PTGFRN: variants seen among roughly 807,000 people sequenced by gnomAD.
PTGFRN encodes prostaglandin F2 receptor negative regulator.
A neutral mutation model predicts 83.2 loss-of-function variants in PTGFRN; 35 were observed. The ratio of observed to expected loss-of-function variants is 0.42; its 90% CI spans 0.32 to 0.56. The LOEUF is 0.56. PTGFRN is among the 20% of genes least tolerant of loss of function. The pLI is 0.11. For missense variants in PTGFRN, 1,051 were observed against 1,179.5 expected (o/e 0.89, Z 1.60); for synonymous variants, 519 against 498.6 (o/e 1.04, Z -0.55).
In PTGFRN at chr1:116,967,045, C is replaced by T; in HGVS notation, c.1774C>T (p.Pro592Ser). 6.2e-7 allele frequency: 1 copy of T among 1,614,180 alleles called. No homozygotes were observed. The highest frequency in any genetic ancestry group is 8.5e-7 in the Non-Finnish European group (1 of 1,180,036). ...CTCTGTTCTCATCATGGCTGAGAAG[C>T]CTGTCGGCGACCTCTCCAGTCCCAA... The part of the protein sequence containing the change: ...RYSVLIMAEK[P>S]VGDLSSPNET... The change falls in exon 6 of 9, where the codon CCT becomes TCT. Residue 592 changes from proline to serine, a missense_variant. Transcript: ENST00000393203.
chr1:116,965,283 A>T (rs1015660501), intron 5 of PTGFRN, among the ~76,000 whole-genome samples: 2 of 151,718 alleles, frequency 1.3e-5, no homozygotes, highest in African/African-American at 2.4e-5. Context: ...TTTATTTTTA[A>T]TTTTAATTTT....
chr1:116,963,774 A>ATT (rs35747028), intron 5 of PTGFRN, among the ~76,000 whole-genome samples: 2,777 of 142,604 alleles, frequency 0.019, 90 homozygotes, highest in African/African-American at 0.068. Context: ...CATTCAGCTA[A>ATT]TTTTTTTTTT....
Position 116,984,700 on chromosome 1 carries a change from T to A in PTGFRN, c.2188T>A (p.Ser730Thr). 6.2e-7 allele frequency: 1 copy of A among 1,614,150 alleles called. No homozygotes were observed. ...LDPDDMAFDV[S>T]WFAVHSFGLD... ...CGTAGATGACATGGCCTTTGATGTG[T>A]CCTGGTTTGCGGTGCACTCTTTTGG... is the stretch of plus-strand genomic sequence containing the variant. The change falls in exon 8 of 9, where the codon TCC becomes ACC. Residue 730 changes from serine (S) to threonine (T), a missense_variant. Ser to Thr is a moderately conservative substitution (Grantham distance 58). Coordinates refer to ENST00000393203, the MANE Select transcript of PTGFRN (RefSeq NM_020440.4).
chr1:116,916,202 C>T (rs1364851692), intron 1 of PTGFRN, among the ~76,000 whole-genome samples: 1 of 152,172 alleles, frequency 6.6e-6, no homozygotes, highest in Non-Finnish European at 1.5e-5. Context: ...CTGTTTCACA[C>T]CTTTACAAGC....
intron 7 of PTGFRN, among the ~76,000 whole-genome samples, chr1:116,980,431 A>C (rs528944932): frequency 2.0e-5 from 3 of 152,246 alleles, no homozygotes. Context: ...AGCACTATTC[A>C]CAATAGCAGA....
intron 1 of PTGFRN, among the ~76,000 whole-genome samples, chr1:116,912,568 C>T (rs767022645): frequency 3.9e-5 from 6 of 152,214 alleles, no homozygotes; most frequent in African/African-American, 7.2e-5. Flanking sequence ...CCTGTTTCTA[C>T]GGCTACTGTC....
Position 116,984,666 on chromosome 1 carries a change from T to C in PTGFRN, c.2168-14T>C. 6.2e-7 allele frequency: 1 copy of C among 1,610,104 alleles called. No individual in the cohort carries two copies. Reference sequence around the variant, plus strand: ...ATTGCACTGACCCCAGGGTTTTGGCTTGGTAATCCGTAGATGACATGGCCT... The same window carrying C: ...ATTGCACTGACCCCAGGGTTTTGGCCTGGTAATCCGTAGATGACATGGCCT... On this transcript the variant is annotated splice_polypyrimidine_tract_variant and intron_variant, in intron 7 of 8. Transcript: ENST00000393203.
chr1:116,982,508 C>T (rs954683829), intron 7 of PTGFRN, among the ~76,000 whole-genome samples: 2 of 152,044 alleles, frequency 1.3e-5, no homozygotes, highest in Non-Finnish European at 2.9e-5. Context: ...GGGGTGGGGA[C>T]AGCAGACTTT....
rs1444970078 is a variant in PTGFRN, at chr1:116,977,054, A to G, written c.2167+2731A>G. 3.3e-5 allele frequency among the ~76,000 whole-genome samples: 5 copies of G among 152,210 alleles called. No homozygotes were observed. In the East Asian group the frequency reaches 9.6e-4, roughly 29 times the overall value. On this transcript the variant is annotated intron_variant, in intron 7 of 8. Coordinates refer to ENST00000393203, the MANE Select transcript of PTGFRN (RefSeq NM_020440.4). ...TTCTACCAAGCAAATGGAAACAAAA[A>G]AAGGCAGGGGTTGCAATCCTAGTCT...
At chr1:116,929,589 TG>T (rs1649742360) in intron 1 of PTGFRN, among the ~76,000 whole-genome samples, 1 of 152,228 alleles carries the variant, frequency 6.6e-6, no homozygotes, top group African/African-American at 2.4e-5. Context: ...GGAGCAGTTT[TG>T]CCCCAGAGCT....
intron 1 of PTGFRN, among the ~76,000 whole-genome samples, chr1:116,913,205 G>A (rs944475762): frequency 6.6e-6 from 1 of 152,176 alleles, no homozygotes; most frequent in African/African-American, 2.4e-5. Context: ...ACAAGGAAGG[G>A]GATGATTAAT....
chr1:116,947,284 A>G (rs1650225188), intron 3 of PTGFRN, among the ~76,000 whole-genome samples: 1 of 152,230 alleles, frequency 6.6e-6, no homozygotes. Flanking sequence ...CCTCCCTGTC[A>G]TGGGAGTGGT....
At chr1:116,986,692 C>T in intron 8 of PTGFRN, 109 bp from the exon 9 acceptor site, 1 of 1,082,774 alleles carries the variant, frequency 9.2e-7, no homozygotes, top group Non-Finnish European at 1.4e-6. Flanking sequence ...AGGAATGAGA[C>T]CTTATCTCTC....
At chr1:116,945,406 C>T (rs904592384) in intron 3 of PTGFRN, among the ~76,000 whole-genome samples, 10 of 152,160 alleles carry the variant, frequency 6.6e-5, no homozygotes, top group Non-Finnish European at 1.5e-4. Flanking sequence ...TGCTGTGGTC[C>T]CTCAGCCAGA....
chr1:116,961,139 T>G lies in PTGFRN; in HGVS notation c.1214-104T>G. 8.2e-7 allele frequency: 1 copy of G among 1,213,738 alleles called. No individual in the cohort carries two copies. The highest frequency in any genetic ancestry group is 1.1e-6 in the Non-Finnish European group (1 of 902,944). The allele number at this position is 1,213,738 out of a possible 1,614,324, so 75.2% of individuals were successfully genotyped here. On this transcript the variant is annotated intron_variant, in intron 4 of 8. Transcript: ENST00000393203. This position sits in a 1 kb window ranked among gnomAD's most constrained non-coding sequence, Gnocchi z 5.4. ...TCTCTCTAGTCCGGCAGGAGAAGCATTTAATTGTTAAAACAAGAGCAGTCC... is the reference window on the plus strand; with the variant it reads ...TCTCTCTAGTCCGGCAGGAGAAGCAGTTAATTGTTAAAACAAGAGCAGTCC...
Position 116,984,805 on chromosome 1 carries a change from G to A in PTGFRN, c.2293G>A (p.Asp765Asn), listed in dbSNP as rs368223162. ...CACCTCCCGGAGGGACTGGAAGAGC[G>A]ACCTCAGCCTGGAGCGCGTGAGTGT... is the stretch of plus-strand genomic sequence containing the variant. Reference protein sequence around the residue: ...VTTSRRDWKSDLSLERVSVLE... With the variant: ...VTTSRRDWKSNLSLERVSVLE... Residue 765 changes from aspartate to asparagine, a missense_variant, in exon 8 of 9, where the codon GAC (aspartate) becomes AAC (asparagine). This residue lies in a region of PTGFRN where 719 missense variants were observed against 836.6 expected (regional missense o/e 0.86). Transcript: ENST00000393203. 4.2e-5 allele frequency: 67 copies of A among 1,614,048 alleles called. No homozygotes were observed. In the African/African-American group the frequency reaches 6.5e-4, roughly 16 times the overall value.
intron 1 of PTGFRN, among the ~76,000 whole-genome samples, chr1:116,922,503 C>T (rs1394736910): frequency 6.6e-6 from 1 of 152,214 alleles, no homozygotes; most frequent in African/African-American, 2.4e-5. Context: ...AGCCTAGTGT[C>T]ATACGTGGCT....
chr1:116,922,239 G>T (rs1004549817), intron 1 of PTGFRN, among the ~76,000 whole-genome samples: 2 of 152,068 alleles, frequency 1.3e-5, no homozygotes, highest in Admixed American at 6.6e-5. Context: ...CCTATTTTTG[G>T]TTGTTTCTTA....
chr1:116,961,286 G>C lies in PTGFRN; in HGVS notation c.1257G>C (p.Gly419=). ...QVYLNASKVP[G]FADDPTELAC... ...ACCTGAATGCTTCCAAGGTCCCCGG[G>C]TTTGCGGATGACCCCACAGAGCTGG... Residue 419 remains glycine, a synonymous_variant, in exon 5 of 9, where the codon GGG becomes GGC. Coordinates refer to ENST00000393203, the MANE Select transcript of PTGFRN (RefSeq NM_020440.4). The surrounding 1 kb of genome is among the most constrained non-coding windows in gnomAD (Gnocchi z 5.4). The C allele has an allele frequency of 3.9e-6, 6 of 1,536,136 alleles. No homozygotes were observed. The highest frequency in any genetic ancestry group is 5.3e-6 in the Non-Finnish European group (6 of 1,141,624).
Sources: allele counts gnomAD v4.1 joint callset (sites outside exome capture counted in the v4.1 genomes callset), GRCh38; gene constraint gnomAD v4.1.1; regional missense constraint gnomAD v4.1.1; non-coding constraint Gnocchi (gnomAD v3.1); transcripts MANE v1.5; gene names NCBI Gene and HGNC (gene_info 2026-07-23, HGNC 2026-07-21).